The following CNOT6L variants were observed in gnomAD, a reference collection of about 807,000 sequenced individuals.
CNOT6L encodes CCR4-NOT transcription complex subunit 6 like, also known as CCR4-NOT transcription complex subunit 6-like.
CNOT6L carries 7 observed loss-of-function variants against 64.0 expected under a neutral mutation model. The ratio of observed to expected loss-of-function variants is 0.11; its 90% CI spans 0.06 to 0.21. The LOEUF (loss-of-function observed/expected upper bound fraction) is 0.21. CNOT6L is among the 10% of genes least tolerant of loss of function. The pLI, the probability that CNOT6L is intolerant of heterozygous loss-of-function variation, is 1.00. For synonymous variants in CNOT6L, 193 were observed against 243.4 expected, an observed-to-expected ratio of 0.79 and a Z score of 1.93; for missense variants, 245 against 669.0, an observed-to-expected ratio of 0.37 and a Z score of 6.99.
At chr4:77,813,140 C>A (rs1733141110) in intron 1 of CNOT6L, among the ~76,000 whole-genome samples, 1 of 151,952 alleles carries the variant, frequency 6.6e-6, no homozygotes, top group Non-Finnish European at 1.5e-5. Context: ...AACTAAGTAC[C>A]CACAGGCAAA....
chr4:77,744,085 G>A (rs1014779536), intron 7 of CNOT6L, among the ~76,000 whole-genome samples: 3 of 151,992 alleles, frequency 2.0e-5, no homozygotes, highest in Non-Finnish European at 2.9e-5. Context: ...CACTTAATAT[G>A]TTTTGAAAGT....
At chr4:77,723,543 TTC>T (rs1721520851) in intron 11 of CNOT6L, among the ~76,000 whole-genome samples, 1 of 152,226 alleles carries the variant, frequency 6.6e-6, no homozygotes, top group Non-Finnish European at 1.5e-5. Flanking sequence ...AAAGTTCATT[TTC>T]TGTTACTTGG....
intron 9 of CNOT6L, among the ~76,000 whole-genome samples, chr4:77,730,875 T>A (rs187981965): frequency 2.0e-5 from 3 of 152,238 alleles, no homozygotes; most frequent in Admixed American, 2.0e-4. Flanking sequence ...AAGTACATAA[T>A]GAGTTTCTGA....
chr4:77,731,902 G>A (rs562636302), intron 8 of CNOT6L: 11 of 168,770 alleles, frequency 6.5e-5, no homozygotes, highest in Non-Finnish European at 1.1e-4. Context: ...TGGACTTCTT[G>A]TGTGAGAAAA....
intron 1 of CNOT6L, among the ~76,000 whole-genome samples, chr4:77,799,182 C>G (rs1317528742): frequency 6.6e-6 from 1 of 152,168 alleles, no homozygotes; most frequent in Non-Finnish European, 1.5e-5. Context: ...AATCCCAACA[C>G]TTTCGGAGGC....
intron 10 of CNOT6L, among the ~76,000 whole-genome samples, chr4:77,727,996 T>C (rs562578837): frequency 7.5e-6 from 1 of 133,880 alleles, no homozygotes; most frequent in African/African-American, 3.2e-5. Context: ...CTAGCAGTGA[T>C]AATATACAAA....
At chr4:77,811,321 G>A (rs186229296) in intron 1 of CNOT6L, among the ~76,000 whole-genome samples, 1 of 152,172 alleles carries the variant, frequency 6.6e-6, no homozygotes, top group South Asian at 2.1e-4. Context: ...CAGCTGAGGC[G>A]GGCAGATCAC....
At chr4:77,772,594 A>G (rs1727688743) in intron 4 of CNOT6L, among the ~76,000 whole-genome samples, 1 of 152,170 alleles carries the variant, frequency 6.6e-6, no homozygotes, top group African/African-American at 2.4e-5. Context: ...GATGGCACAT[A>G]TTGAAATCTT....
At chr4:77,787,180 C>T (rs1419384391) in intron 1 of CNOT6L, among the ~76,000 whole-genome samples, 1 of 152,014 alleles carries the variant, frequency 6.6e-6, no homozygotes, top group African/African-American at 2.4e-5. Flanking sequence ...GCAGGAGAAT[C>T]GCTTGAACCT....
chr4:77,797,585 G>A (rs143426834), intron 1 of CNOT6L, among the ~76,000 whole-genome samples: 2 of 152,174 alleles, frequency 1.3e-5, no homozygotes, highest in Non-Finnish European at 1.5e-5. Flanking sequence ...CACAAGAGTA[G>A]TGATGCTGGA....
chr4:77,734,395 A>G (rs2109907155), intron 8 of CNOT6L, among the ~76,000 whole-genome samples: 1 of 152,268 alleles, frequency 6.6e-6, no homozygotes, highest in East Asian at 1.9e-4. Flanking sequence ...ATACTATTCT[A>G]TCAGGGACAT....
In CNOT6L at chr4:77,793,968, T is replaced by C. The variant is rs960762230; in HGVS notation, c.6-17576A>G. On this transcript the variant is annotated intron_variant, in intron 1 of 11. Transcript: ENST00000504123. ...GGGTTCGAGACCAGCCTGGCCAACA[T>C]AGTAAAACCCCACCTCTACTAAAAA... is the stretch of plus-strand genomic sequence containing the variant. Among the ~76,000 whole-genome samples, 74 of 151,200 alleles carry C rather than the reference T, an allele frequency of 4.9e-4. 1 individual carries two copies. Among genetic ancestry groups the C allele is most frequent in the Admixed American group, 7.9e-4 (12 of 15,196 alleles).
rs10649868 is a variant in CNOT6L, at chr4:77,794,150, CAAAAAAAAAAAAAA to C, written c.6-17772_6-17759del. ...CTGGCAACAGAGTAAGACTCTGTCT[CAAAAAAAAAAAAAA>C]AAAAAAAAAAAAGATTTTAGAAATA... On this transcript the variant is annotated intron_variant, in intron 1 of 11. Transcript: ENST00000504123. Among the ~76,000 whole-genome samples the C allele has an allele frequency of 4.2e-4, 22 of 52,026 alleles. 1 individual carries two copies. The highest frequency in any genetic ancestry group is 2.2e-3 in the East Asian group (3 of 1,372). 34.1% of individuals were successfully genotyped at this position (52,026 alleles called of 152,430 possible).
At position 77,743,419 on chromosome 4, in the gene CNOT6L, T is replaced by C. The variant is rs115762162; in HGVS notation, c.718-1124A>G. Among the ~76,000 whole-genome samples, 642 of 152,120 alleles carry C rather than the reference T, an allele frequency of 4.2e-3. 5 individuals are homozygous for C. Among genetic ancestry groups the C allele is most frequent in the African/African-American group, 0.015 (618 of 41,508 alleles). On this transcript the variant is annotated intron_variant, in intron 7 of 11. Transcript: ENST00000504123. ...CCGCCTCCTCTCCCCAATTCTCTGT[T>C]AGTCTCAGTATTTAGAAGAAATTTT...
intron 1 of CNOT6L, among the ~76,000 whole-genome samples, chr4:77,813,234 A>G (rs1733156140): frequency 6.6e-6 from 1 of 152,214 alleles, no homozygotes; most frequent in South Asian, 2.1e-4. Context: ...TTAAGGCTAT[A>G]AAACTCTCAG....
At chr4:77,805,305 T>C (rs550980987) in intron 1 of CNOT6L, among the ~76,000 whole-genome samples, 1 of 152,110 alleles carries the variant, frequency 6.6e-6, no homozygotes, top group East Asian at 1.9e-4. Context: ...AATACTACCA[T>C]CTGCAAAGAA....
rs1303975854 is a variant in CNOT6L at position 77,719,498 on chromosome 4, CA to C, written c.*932del. On this transcript the variant is annotated 3_prime_UTR_variant, in exon 12 of 12. Coordinates refer to ENST00000504123, the MANE Select transcript of CNOT6L (RefSeq NM_144571.3). ...CTTTGATCAAGGCCTTTTTATTCAG[CA>C]GACTTTTTTCTTCTTTTAACATTTG... 1 of 152,548 alleles carries C rather than the reference CA, an allele frequency of 6.6e-6. No individual in the cohort carries two copies. The highest frequency in any genetic ancestry group is 1.9e-4 in the East Asian group (1 of 5,198). The allele number at this position is 152,548 out of a possible 1,614,324, so 9.4% of individuals were successfully genotyped here.
chr4:77,768,473 A>G (rs1289519209), intron 4 of CNOT6L, among the ~76,000 whole-genome samples: 1 of 4,210 alleles, frequency 2.4e-4, no homozygotes, highest in Non-Finnish European at 8.1e-4. Flanking sequence ...TAAAATAAAT[A>G]AATATATATA....
chr4:77,734,909 TA>T (rs1011271911), intron 8 of CNOT6L, among the ~76,000 whole-genome samples: 10 of 148,942 alleles, frequency 6.7e-5, no homozygotes, highest in East Asian at 1.9e-4. Context: ...GACAGAATAA[TA>T]AAAAAAAAAT....
Sources: gnomAD v4.1 joint callset for allele counts (sites outside exome capture counted in the v4.1 genomes callset) on GRCh38, gnomAD v4.1.1 for gene constraint, MANE v1.5 for transcripts, NCBI Gene and HGNC (gene_info 2026-07-23, HGNC 2026-07-21) for gene names.